The following WDR5B variants were observed in gnomAD, a reference collection of about 807,000 sequenced individuals.
The protein encoded by WDR5B is WD repeat domain 5B.
In WDR5B, 17 loss-of-function variants were observed where a neutral mutation model predicts 24.0. That is an observed-to-expected ratio of 0.71 (90% CI 0.49 to 1.06). The LOEUF (loss-of-function observed/expected upper bound fraction) is 1.06, where lower values mean the gene tolerates loss of function less well. Ranked by LOEUF, WDR5B falls within the 50% of genes least tolerant of loss-of-function variation. The pLI is 0.00. For synonymous variants in WDR5B, 150 were observed against 146.4 expected, an observed-to-expected ratio of 1.02 and a Z score of -0.18; for missense variants, 368 against 384.1, an observed-to-expected ratio of 0.96 and a Z score of 0.35.
rs1229995355 is a variant in WDR5B, at chr3:122,414,980, C to G, written c.549G>C (p.Val183=). 2 of 1,614,176 alleles carry G rather than the reference C, an allele frequency of 1.2e-6. No individual in the cohort carries two copies. Among genetic ancestry groups the G allele is most frequent in the Admixed American group, 1.7e-5 (1 of 60,020 alleles). Residue 183 remains valine (V), a synonymous_variant, in exon 1 of 1, where the codon GTG becomes GTC. Transcript: ENST00000330689. ...VHFNCSGSLI[V]SGSYDGLCRI... is the part of the protein sequence containing the mutation. ...TACAGAGGCCATCATAGCTACCTGACACTATCAAGGACCCACTACAATTAA... is the reference window on the plus strand; with the variant it reads ...TACAGAGGCCATCATAGCTACCTGAGACTATCAAGGACCCACTACAATTAA...
At position 122,415,566 on chromosome 3, in the gene WDR5B, T is replaced by C. The variant is rs747443608; in HGVS notation, c.-38A>G. The C allele has an allele frequency of 5.1e-6, 8 of 1,577,114 alleles. No individual in the cohort carries two copies. The highest frequency in any genetic ancestry group is 6.9e-6 in the Non-Finnish European group (8 of 1,163,486). On this transcript the variant is annotated 5_prime_UTR_variant, in exon 1 of 1. Transcript: ENST00000330689. The stretch of plus-strand genomic sequence containing the variant: ...CCAAGTTAGCAGGTGTACTAGGCGT[T>C]CAGCCCTGAACCAGGCAGTCCAGTA...
Position 122,414,905 on chromosome 3 carries a change from GTCA to G in WDR5B, c.621_623del (p.Asp209del). On this transcript the variant is annotated inframe_deletion, in exon 1 of 1. Transcript: ENST00000330689. Reference sequence around the variant, plus strand: ...TTACAAAAGAGACAGGAGGGTTATCGTCATCAACGAGCGTTTTTAAACACTGAC... The same window carrying G: ...TTACAAAAGAGACAGGAGGGTTATCGTCAACGAGCGTTTTTAAACACTGAC... The G allele has an allele frequency of 6.2e-7, 1 of 1,614,158 alleles. No homozygotes were observed. The highest frequency in any genetic ancestry group is 8.5e-7 in the Non-Finnish European group (1 of 1,180,038).
In WDR5B at chr3:122,414,880, T is replaced by G. The variant is rs754282989; in HGVS notation, c.649A>C (p.Lys217Gln). Residue 217 changes from lysine (K) to glutamine (Q), a missense_variant, in exon 1 of 1, where the codon AAA (lysine) becomes CAA (glutamine). Transcript: ENST00000330689. ...DDDNPPVSFV[K>Q]FSPNGKYILT... is the part of the protein sequence containing the mutation. ...ATGTATTTACCATTTGGAGAAAATT[T>G]TACAAAAGAGACAGGAGGGTTATCG... The G allele has an allele frequency of 1.2e-5, 19 of 1,614,046 alleles. No individual in the cohort carries two copies. The Admixed American group carries it at 2.8e-4, about 24-fold the overall frequency.
Position 122,415,489 on chromosome 3 carries a change from C to A in WDR5B, c.40G>T (p.Ala14Ser), listed in dbSNP as rs747355820. 1 of 1,613,790 alleles carries A rather than the reference C, an allele frequency of 6.2e-7. No homozygotes were observed. The highest frequency in any genetic ancestry group is 1.1e-5 in the South Asian group (1 of 91,030). ...KESRDAKAQL[A>S]LSSSANQSKE... ...CTCTGATTGGCCGATGAGGAGAGGG[C>A]CAACTGTGCTTTGGCGTCTCTTGAC... The change falls in exon 1 of 1, where the codon GCC becomes TCC. Residue 14 changes from alanine to serine, a missense_variant. Physicochemically the swap from Ala to Ser is moderately conservative, Grantham distance 99. Coordinates refer to ENST00000330689, the MANE Select transcript of WDR5B (RefSeq NM_019069.4).
Position 122,413,743 on chromosome 3 carries a change from A to G in WDR5B, c.*793T>C, listed in dbSNP as rs1372557225. On this transcript the variant is annotated 3_prime_UTR_variant, in exon 1 of 1. Transcript: ENST00000330689. The stretch of plus-strand genomic sequence containing the variant: ...CGATCCAGCAATCCCACTAGTAGGT[A>G]TCTACCCAAAGGAAATTATATTTTA... The G allele has an allele frequency of 6.6e-6, 1 of 152,208 alleles. No homozygotes were observed. The highest frequency in any genetic ancestry group is 1.5e-5 in the Non-Finnish European group (1 of 68,034). 9.4% of individuals were successfully genotyped at this position (152,208 alleles called of 1,614,324 possible).
At position 122,414,916 on chromosome 3, in the gene WDR5B, G is replaced by A. The variant is rs1235316084; in HGVS notation, c.613C>T (p.Leu205Phe). 6.2e-7 allele frequency: 1 copy of A among 1,614,158 alleles called. No homozygotes were observed. ...DAASGQCLKT[L>F]VDDDNPPVSF... ...ACAGGAGGGTTATCGTCATCAACGA[G>A]CGTTTTTAAACACTGACCTGATGCA... Residue 205 changes from leucine (L) to phenylalanine (F), a missense_variant, in exon 1 of 1, where the codon CTC (leucine) becomes TTC (phenylalanine). Leu to Phe is a conservative substitution (Grantham distance 22). Transcript: ENST00000330689.
chr3:122,415,409 G>A lies in WDR5B; in HGVS notation c.120C>T (p.His40=), dbSNP rs1362775733. The A allele has an allele frequency of 6.2e-7, 1 of 1,614,216 alleles. No homozygotes were observed. The highest frequency in any genetic ancestry group is 8.5e-7 in the Non-Finnish European group (1 of 1,180,038). Residue 40 remains histidine (H), a synonymous_variant, in exon 1 of 1, where the codon CAC becomes CAT. Transcript: ENST00000330689. ...ACTTAACTGATGACACTGCTTCCGT[G>A]TGTCCCACAAGAGTACATTTGAGAG... The part of the protein sequence containing the change: ...NYALKCTLVG[H]TEAVSSVKFS...
Position 122,414,674 on chromosome 3 carries a change from C to T in WDR5B, c.855G>A (p.Gln285=), listed in dbSNP as rs764202073. ...EDNLVYIWNL[Q]TKEIVQKLQG... The stretch of plus-strand genomic sequence containing the variant: ...GTAATTTCTGCACAATCTCTTTAGT[C>T]TGAAGGTTCCAAATGTAAACCAGGT... Residue 285 remains glutamine (Q), a synonymous_variant, in exon 1 of 1, where the codon CAG becomes CAA. Transcript: ENST00000330689. 3.1e-6 allele frequency: 5 copies of T among 1,614,196 alleles called. No individual in the cohort carries two copies. The highest frequency in any genetic ancestry group is 1.6e-4 in the Middle Eastern group (1 of 6,062).
Position 122,414,728 on chromosome 3 carries a change from T to C in WDR5B, c.801A>G (p.Gly267=). 3 of 1,614,204 alleles carry C rather than the reference T, an allele frequency of 1.9e-6. No individual in the cohort carries two copies. The South Asian group carries it at 3.3e-5, about 18-fold the overall frequency. Residue 267 remains glycine (G), a synonymous_variant, in exon 1 of 1, where the codon GGA becomes GGG. Transcript: ENST00000330689. ...CIFANFSVTG[G]KWIVSGSEDN... is the part of the protein sequence containing the mutation. ...CCTCGGAACCAGACACAATCCACTT[T>C]CCACCAGTAACTGAAAAATTGGCAA...
At position 122,414,549 on chromosome 3, in the gene WDR5B, A is replaced by G. The variant is rs1011432853; in HGVS notation, c.980T>C (p.Met327Thr). Residue 327 changes from methionine (M) to threonine (T), a missense_variant, in exon 1 of 1, where the codon ATG becomes ACG. By Grantham distance (81) the Met-to-Thr change is moderately conservative. Transcript: ENST00000330689. ...LENDKTIKLW[M>T]SNH ...TTTTCAAAGGGATTAGTGGTTACTC[A>G]TCCACAGTTTAATTGTTTTGTCATT... The G allele has an allele frequency of 1.1e-5, 17 of 1,613,674 alleles. No homozygotes were observed. Among genetic ancestry groups the G allele is most frequent in the Non-Finnish European group, 1.4e-5 (17 of 1,179,692 alleles).
rs1169238392 is a variant in WDR5B at position 122,414,940 on chromosome 3, C to G, written c.589G>C (p.Ala197Pro). The G allele has an allele frequency of 1.9e-6, 3 of 1,614,200 alleles. No homozygotes were observed. Among genetic ancestry groups the G allele is most frequent in the East Asian group, 2.2e-5 (1 of 44,882 alleles). The change falls in exon 1 of 1, where the codon GCA becomes CCA. Residue 197 changes from alanine to proline, a missense_variant. Ala to Pro is a conservative substitution (Grantham distance 27). Coordinates refer to ENST00000330689, the MANE Select transcript of WDR5B (RefSeq NM_019069.4). ...YDGLCRIWDA[A>P]SGQCLKTLVD... ...AGCGTTTTTAAACACTGACCTGATG[C>G]AGCATCCCAGATTCTACAGAGGCCA... is the stretch of plus-strand genomic sequence containing the variant.
rs2075721112 is a variant in WDR5B, at chr3:122,414,444, A to G, written c.*92T>C. The G allele has an allele frequency of 4.1e-6, 6 of 1,450,126 alleles. No homozygotes were observed. In the South Asian group the frequency reaches 8.5e-5, roughly 21 times the overall value. 89.8% of individuals were successfully genotyped at this position (1,450,126 alleles called of 1,614,324 possible). A position where few individuals can be genotyped will look rare whatever the true frequency, so the allele number is the denominator to read the frequency against. On this transcript the variant is annotated 3_prime_UTR_variant, in exon 1 of 1. Transcript: ENST00000330689. The stretch of plus-strand genomic sequence containing the variant: ...AAAATTTAACAATAGACAATTTTTA[A>G]AATACCAAACTGCCAAAATTAAAAG...
rs2075731802 is a variant in WDR5B at position 122,415,684 on chromosome 3, C to T, written c.-156G>A. The T allele has an allele frequency of 3.3e-6, 3 of 920,744 alleles. No individual in the cohort carries two copies. Among genetic ancestry groups the T allele is most frequent in the Non-Finnish European group, 4.8e-6 (3 of 628,778 alleles). 57.0% of individuals were successfully genotyped at this position (920,744 alleles called of 1,614,324 possible). On this transcript the variant is annotated 5_prime_UTR_variant, in exon 1 of 1. Transcript: ENST00000330689. ...TTAAAGTTTCTGGACAGTCTTTAAA[C>T]TGTGAGACGGAATCAGCAGCACGGC...
At position 122,413,984 on chromosome 3, in the gene WDR5B, CACACACAT is replaced by C. The variant is rs1325240599; in HGVS notation, c.*544_*551del. On this transcript the variant is annotated 3_prime_UTR_variant, in exon 1 of 1. Coordinates refer to ENST00000330689, the MANE Select transcript of WDR5B (RefSeq NM_019069.4). ...ACACATACACATATATGCATACACA[CACACACAT>C]ACACACCACAGAATACTACTCAGCC... is the stretch of plus-strand genomic sequence containing the variant. The C allele has an allele frequency of 6.4e-6, 1 of 156,106 alleles. No individual in the cohort carries two copies. The highest frequency in any genetic ancestry group is 1.4e-5 in the Non-Finnish European group (1 of 70,754). The allele number at this position is 156,106 out of a possible 1,614,324, so 9.7% of individuals were successfully genotyped here.
rs1576257626 is a variant in WDR5B, at chr3:122,415,421, A to G, written c.108T>C (p.Thr36=). The change falls in exon 1 of 1, where the codon ACT becomes ACC. Residue 36 remains threonine, a synonymous_variant. Transcript: ENST00000330689. ...ACACTGCTTCCGTGTGTCCCACAAG[A>G]GTACATTTGAGAGCATAGTTTGGGT... ...PENPNYALKC[T]LVGHTEAVSS... 3.1e-6 allele frequency: 5 copies of G among 1,614,210 alleles called. No individual in the cohort carries two copies. Among genetic ancestry groups the G allele is most frequent in the Non-Finnish European group, 4.2e-6 (5 of 1,180,032 alleles).
chr3:122,413,273 T>C lies in WDR5B; in HGVS notation c.*1263A>G, dbSNP rs1233211101. On this transcript the variant is annotated 3_prime_UTR_variant, in exon 1 of 1. Coordinates refer to ENST00000330689, the MANE Select transcript of WDR5B (RefSeq NM_019069.4). ...AGAGGAATACAAAATATAACCACAA[T>C]GAGATACTCTCTTAAACCAGTTAGA... 6.6e-6 allele frequency: 1 copy of C among 152,164 alleles called. No individual in the cohort carries two copies. The highest frequency in any genetic ancestry group is 1.5e-5 in the Non-Finnish European group (1 of 68,040). 9.4% of individuals were successfully genotyped at this position (152,164 alleles called of 1,614,324 possible).
chr3:122,415,481 GGA>G lies in WDR5B; in HGVS notation c.46_47del (p.Ser16LeufsTer11). 1.2e-6 allele frequency: 2 copies of G among 1,614,108 alleles called. No individual in the cohort carries two copies. Among genetic ancestry groups the G allele is most frequent in the Non-Finnish European group, 1.7e-6 (2 of 1,179,994 alleles). On this transcript the variant is annotated frameshift_variant, in exon 1 of 1. Transcript: ENST00000330689. LOFTEE classifies it high-confidence loss of function. The part of the protein sequence containing the change: ...SRDAKAQLAL[S>X]SSANQSKEVP... ...CTTCCTTGCTCTGATTGGCCGATGAGGAGAGGGCCAACTGTGCTTTGGCGTCT... is the reference window on the plus strand; with the variant it reads ...CTTCCTTGCTCTGATTGGCCGATGAGGAGGGCCAACTGTGCTTTGGCGTCT...
rs1338599627 is a variant in WDR5B at position 122,414,576 on chromosome 3, T to C, written c.953A>G (p.Glu318Gly). 1.2e-6 allele frequency: 2 copies of C among 1,614,210 alleles called. No homozygotes were observed. The highest frequency in any genetic ancestry group is 1.1e-5 in the South Asian group (1 of 91,082). The change falls in exon 1 of 1, where the codon GAA becomes GGA. Residue 318 changes from glutamate to glycine, a missense_variant. Glu to Gly is a moderately conservative substitution (Grantham distance 98). Transcript: ENST00000330689. ...TENLIASAAL[E>G]NDKTIKLWMS... Reference sequence around the variant, plus strand: ...CCACAGTTTAATTGTTTTGTCATTTTCTAATGCTGCTGATGCGATGAGGTT... The same window carrying C: ...CCACAGTTTAATTGTTTTGTCATTTCCTAATGCTGCTGATGCGATGAGGTT...
In WDR5B at chr3:122,414,722, C is replaced by T; in HGVS notation, c.807G>A (p.Trp269Ter). Reference sequence around the variant, plus strand: ...GGTTATCCTCGGAACCAGACACAATCCACTTTCCACCAGTAACTGAAAAAT... The same window carrying T: ...GGTTATCCTCGGAACCAGACACAATTCACTTTCCACCAGTAACTGAAAAAT... The part of the protein sequence containing the change: ...FANFSVTGGK[W>*]IVSGSEDNLV... Residue 269 changes from tryptophan (W) to a stop codon, truncating the protein, a stop_gained, in exon 1 of 1, where the codon TGG becomes TGA. Transcript: ENST00000330689. LOFTEE classifies it high-confidence loss of function. The T allele has an allele frequency of 6.2e-7, 1 of 1,614,202 alleles. No homozygotes were observed. Among genetic ancestry groups the T allele is most frequent in the Non-Finnish European group, 8.5e-7 (1 of 1,180,048 alleles).
Sources: gnomAD v4.1 joint callset for allele counts on GRCh38, gnomAD v4.1.1 for gene constraint, MANE v1.5 for transcripts, NCBI Gene and HGNC (gene_info 2026-07-23, HGNC 2026-07-21) for gene names.